OR2L13: variants seen among roughly 807,000 people sequenced by gnomAD.
The protein encoded by OR2L13 is olfactory receptor family 2 subfamily L member 13.
OR2L13 carries 14 observed loss-of-function variants against 15.3 expected under a neutral mutation model. The observed-to-expected ratio is 0.91, with a 90% CI of 0.60 to 1.43. OR2L13 has a LOEUF of 1.43. Ranked by LOEUF, OR2L13 falls within the 40% of genes most tolerant of loss-of-function variation. The pLI, the probability that OR2L13 is intolerant of heterozygous loss-of-function variation, is 0.00. For missense variants in OR2L13, 367 were observed against 387.9 expected, an observed-to-expected ratio of 0.95 and a Z score of 0.45; for synonymous variants, 152 against 142.9, an observed-to-expected ratio of 1.06 and a Z score of -0.45.
At chr1:248,055,952 G>T in the OR2L13 span, 7 of 152,248 alleles carry the variant, frequency 4.6e-5, no homozygotes, top group East Asian at 1.3e-3. Context: ...TTCAGAACTT[G>T]TTATTGGTCT....
chr1:248,016,748 T>G, the OR2L13 span, among the ~76,000 whole-genome samples: 1 of 151,990 alleles, frequency 6.6e-6, no homozygotes, highest in Non-Finnish European at 1.5e-5. Flanking sequence ...TTTATTTATA[T>G]GTTTTCATAG....
At chr1:248,024,415 AT>A in the OR2L13 span, 1 of 152,206 alleles carries the variant, frequency 6.6e-6, no homozygotes, top group African/African-American at 2.4e-5. Flanking sequence ...TTATCTTTTC[AT>A]TGTAAATAAT....
the OR2L13 span, chr1:247,949,021 A>G: frequency 1.9e-6 from 3 of 1,613,828 alleles, no homozygotes. Context: ...ACCCATCTCC[A>G]CACACCCATG....
At chr1:248,052,326 C>G in the OR2L13 span, among the ~76,000 whole-genome samples, 4 of 152,080 alleles carry the variant, frequency 2.6e-5, no homozygotes, top group Non-Finnish European at 5.9e-5. Context: ...AAAAGGTTAC[C>G]ATGTATATGA....
chr1:248,051,191 C>T, the OR2L13 span: 2 of 152,158 alleles, frequency 1.3e-5, no homozygotes, highest in South Asian at 2.1e-4. Context: ...CCTCCAGGGT[C>T]CACCATTCCA....
the OR2L13 span, among the ~76,000 whole-genome samples, chr1:248,077,835 A>T: frequency 6.6e-6 from 1 of 152,206 alleles, no homozygotes. Flanking sequence ...AAATCCAATC[A>T]GACTATGAGC....
the OR2L13 span, among the ~76,000 whole-genome samples, chr1:248,086,619 T>C: frequency 6.6e-6 from 1 of 152,050 alleles, no homozygotes; most frequent in Non-Finnish European, 1.5e-5. Context: ...GTGTTTTAAA[T>C]ATACAGCTAT....
At chr1:248,064,164 G>T in the OR2L13 span, among the ~76,000 whole-genome samples, 2 of 152,168 alleles carry the variant, frequency 1.3e-5, no homozygotes, top group Non-Finnish European at 2.9e-5. Context: ...AAATCCATAT[G>T]CTTAAATCTT....
chr1:247,937,914 G>C, the OR2L13 span, among the ~76,000 whole-genome samples: 1 of 152,028 alleles, frequency 6.6e-6, no homozygotes, highest in South Asian at 2.1e-4. Context: ...TTTCACAATT[G>C]GAAAATTAAA....
the OR2L13 span, among the ~76,000 whole-genome samples, chr1:248,006,775 G>A: frequency 0.038 from 5,821 of 152,174 alleles, 137 homozygotes; most frequent in African/African-American, 0.057. Flanking sequence ...CTTCTACCAT[G>A]TGAGGTCACA....
At chr1:248,064,740 C>G in the OR2L13 span, among the ~76,000 whole-genome samples, 1 of 152,128 alleles carries the variant, frequency 6.6e-6, no homozygotes, top group Non-Finnish European at 1.5e-5. Flanking sequence ...ATATGGATGC[C>G]TTTATCTTAT....
At chr1:248,002,842 G>A in the OR2L13 span, among the ~76,000 whole-genome samples, 3 of 146,648 alleles carry the variant, frequency 2.0e-5, no homozygotes, top group South Asian at 4.2e-4. Context: ...TGGGCGAAGC[G>A]AGACTCCAGC....
chr1:247,957,509 G>T, the OR2L13 span, among the ~76,000 whole-genome samples: 1 of 152,200 alleles, frequency 6.6e-6, no homozygotes, highest in Admixed American at 6.5e-5. Flanking sequence ...AATAGTTTCA[G>T]AAAGAATGGT....
At chr1:248,055,631 C>T in the OR2L13 span, among the ~76,000 whole-genome samples, 1 of 152,168 alleles carries the variant, frequency 6.6e-6, no homozygotes, top group Non-Finnish European at 1.5e-5. Flanking sequence ...GTGTTGTGTG[C>T]CTGTTGTTCC....
the OR2L13 span, chr1:247,965,610 G>A: frequency 6.4e-7 from 1 of 1,561,150 alleles, no homozygotes; most frequent in South Asian, 1.2e-5. Context: ...CCACCACAGT[G>A]CCCAAGATGG....
At chr1:248,048,144 C>T in the OR2L13 span, among the ~76,000 whole-genome samples, 3 of 152,124 alleles carry the variant, frequency 2.0e-5, no homozygotes, top group East Asian at 5.8e-4. Context: ...GTCTGTCTGC[C>T]CACTTACCTG....
At chr1:248,010,916 C>G in the OR2L13 span, among the ~76,000 whole-genome samples, 2 of 151,920 alleles carry the variant, frequency 1.3e-5, no homozygotes, top group African/African-American at 4.8e-5. Context: ...ATTTGCCAGC[C>G]TATGTCTTTG....
chr1:248,045,228 C>T, the OR2L13 span, among the ~76,000 whole-genome samples: 1 of 152,104 alleles, frequency 6.6e-6, no homozygotes, highest in Non-Finnish European at 1.5e-5. Context: ...GTAAAATAAA[C>T]AGCCCAGTTT....
the OR2L13 span, among the ~76,000 whole-genome samples, chr1:248,026,876 A>G: frequency 6.6e-6 from 1 of 152,052 alleles, no homozygotes; most frequent in Non-Finnish European, 1.5e-5. Flanking sequence ...GGACCCTGTG[A>G]TGATTGCATT....
Sources: allele counts gnomAD v4.1 joint callset (sites outside exome capture counted in the v4.1 genomes callset), GRCh38; gene constraint gnomAD v4.1.1; transcripts MANE v1.5; gene names NCBI Gene and HGNC (gene_info 2026-07-23, HGNC 2026-07-21).